SLC36A4: variants seen among roughly 807,000 people sequenced by gnomAD.
SLC36A4 encodes neutral amino acid uniporter 4.
A neutral mutation model predicts 50.5 loss-of-function variants in SLC36A4; 49 were observed. The observed-to-expected ratio is 0.97, with a 90% CI of 0.77 to 1.23. SLC36A4 has a LOEUF of 1.23. SLC36A4 is among the 50% of genes most tolerant of loss of function. The pLI, the probability that SLC36A4 is intolerant of heterozygous loss-of-function variation, is 0.00. For synonymous variants in SLC36A4, 207 were observed against 206.5 expected, an observed-to-expected ratio of 1.00 and a Z score of -0.02; for missense variants, 611 against 608.4, an observed-to-expected ratio of 1.00 and a Z score of -0.05.
In SLC36A4 at chr11:93,148,673, C is replaced by G; in HGVS notation, c.1379G>C (p.Gly460Ala). The G allele has an allele frequency of 6.2e-7, 1 of 1,612,778 alleles. No individual in the cohort carries two copies. The highest frequency in any genetic ancestry group is 8.5e-7 in the Non-Finnish European group (1 of 1,179,316). The change falls in exon 11 of 11, where the codon GGA becomes GCA. Residue 460 changes from glycine to alanine, a missense_variant. By Grantham distance (60) the Gly-to-Ala change is moderately conservative (BLOSUM62 0). Coordinates refer to ENST00000326402, the MANE Select transcript of SLC36A4 (RefSeq NM_152313.4). ...TGTACCTAATAAGAAGCCAACAACTCCAGTGAATGCTATAGAAATATTTTT... is the reference window on the plus strand; with the variant it reads ...TGTACCTAATAAGAAGCCAACAACTGCAGTGAATGCTATAGAAATATTTTT... ...VLKNISIAFT[G>A]VVGFLLGTYI...
intron 7 of SLC36A4, chr11:93,166,391 G>A: frequency 7.0e-6 from 7 of 993,220 alleles, no homozygotes; most frequent in Non-Finnish European, 7.2e-6. Context: ...ACTGCTGCTG[G>A]TGCCTAGCAG....
In SLC36A4 at chr11:93,178,008, C is replaced by T. The variant is rs572198136; in HGVS notation, c.540+2789G>A. 7.1e-4 allele frequency among the ~76,000 whole-genome samples: 108 copies of T among 152,274 alleles called. 2 individuals carry two copies. In the South Asian group the frequency reaches 0.02, roughly 28 times the overall value. On this transcript the variant is annotated intron_variant, in intron 6 of 10. Coordinates refer to ENST00000326402, the MANE Select transcript of SLC36A4 (RefSeq NM_152313.4). ...GAGGCAGACAGGCCTCCTTGAGCTG[C>T]GGTGGGCTCCACCCAGTTCGAGCTT...
chr11:93,167,964 T>C lies in SLC36A4; in HGVS notation c.748A>G (p.Ile250Val). The C allele has an allele frequency of 6.2e-7, 1 of 1,608,310 alleles. No individual in the cohort carries two copies. Among genetic ancestry groups the C allele is most frequent in the Middle Eastern group, 1.7e-4 (1 of 6,024 alleles). Residue 250 changes from isoleucine (I) to valine (V), a missense_variant, in exon 7 of 11, where the codon ATT becomes GTT. Physicochemically the swap from Ile to Val is conservative, Grantham distance 29. Transcript: ENST00000326402. ...CTTACCCTGACAACATACTGGTAAA[T>C]TATCACAAGACTGACAGCCATGGAA... ...NVSMAVSLVI[I>V]YQYVVRNMPD... is the part of the protein sequence containing the mutation.
chr11:93,186,676 TATG>T (rs1861996524), intron 1 of SLC36A4, among the ~76,000 whole-genome samples: 1 of 152,234 alleles, frequency 6.6e-6, no homozygotes, highest in African/African-American at 2.4e-5. Context: ...TGACAATACA[TATG>T]ATGTTTTTCA....
Position 93,184,459 on chromosome 11 carries a change from G to T in SLC36A4, c.241C>A (p.Pro81Thr). Reference sequence around the variant, plus strand: ...ATGCCTGCATTTTTTATTGCCAATGGAAGTCCTAAAAGGCCAGTTCCAATA... The same window carrying T: ...ATGCCTGCATTTTTTATTGCCAATGTAAGTCCTAAAAGGCCAGTTCCAATA... ...GNIGTGLLGLPLAIKNAGIVL... is the reference protein window; with the variant it reads ...GNIGTGLLGLTLAIKNAGIVL... Residue 81 changes from proline (P) to threonine (T), a missense_variant, in exon 3 of 11, where the codon CCA becomes ACA. Coordinates refer to ENST00000326402, the MANE Select transcript of SLC36A4 (RefSeq NM_152313.4). 1 of 1,611,272 alleles carries T rather than the reference G, an allele frequency of 6.2e-7. No individual in the cohort carries two copies. The highest frequency in any genetic ancestry group is 8.5e-7 in the Non-Finnish European group (1 of 1,177,806).
rs1157359416 is a variant in SLC36A4, at chr11:93,144,267, A to G, written c.*4270T>C. The G allele has an allele frequency of 2.0e-5, 3 of 152,076 alleles. No homozygotes were observed. Among genetic ancestry groups the G allele is most frequent in the Admixed American group, 6.6e-5 (1 of 15,236 alleles). 9.4% of individuals were successfully genotyped at this position (152,076 alleles called of 1,614,324 possible). ...TGTTATAAAGAAAAATGTTAAAAGA[A>G]TTGACTTGAATGTTATATTTAGGTT... is the stretch of plus-strand genomic sequence containing the variant. On this transcript the variant is annotated 3_prime_UTR_variant, in exon 11 of 11. Transcript: ENST00000326402.
At chr11:93,193,416 A>C (rs1862295078) in intron 1 of SLC36A4, among the ~76,000 whole-genome samples, 1 of 152,188 alleles carries the variant, frequency 6.6e-6, no homozygotes, top group African/African-American at 2.4e-5. Flanking sequence ...GCTAAGTACT[A>C]AATTGGGCAG....
chr11:93,156,428 C>CT lies in SLC36A4; in HGVS notation c.1038-2152dup, dbSNP rs558072801. Among the ~76,000 whole-genome samples, 10 of 136,558 alleles carry CT rather than the reference C, an allele frequency of 7.3e-5. No individual in the cohort carries two copies. The East Asian group carries it at 8.5e-4, about 12-fold the overall frequency. 89.6% of individuals were successfully genotyped at this position (136,558 alleles called of 152,430 possible). A position where few individuals can be genotyped will look rare whatever the true frequency, so the allele number is the denominator to read the frequency against. On this transcript the variant is annotated intron_variant, in intron 9 of 10. Coordinates refer to ENST00000326402, the MANE Select transcript of SLC36A4 (RefSeq NM_152313.4). ...ACGTCCTTTGCCCACTTTTTTTTTT[C>CT]TTTTTTTTTGGGGTGGAGTCTCACT...
intron 6 of SLC36A4, among the ~76,000 whole-genome samples, chr11:93,170,436 A>T (rs1861079396): frequency 6.6e-6 from 1 of 152,062 alleles, no homozygotes. Context: ...AGGCTTTCAT[A>T]AACCTTTTGT....
intron 6 of SLC36A4, among the ~76,000 whole-genome samples, chr11:93,179,438 A>C (rs1861639076): frequency 6.6e-6 from 1 of 152,254 alleles, no homozygotes; most frequent in African/African-American, 2.4e-5. Context: ...TACAGAAGCC[A>C]GGACAAAAAC....
At chr11:93,178,041 A>G (rs1226690984) in intron 6 of SLC36A4, among the ~76,000 whole-genome samples, 17 of 152,114 alleles carry the variant, frequency 1.1e-4, no homozygotes, top group Admixed American at 1.1e-3. Context: ...CTTCCCGGCC[A>G]CTTTGTTTAC....
chr11:93,174,328 C>A (rs1565228837), intron 6 of SLC36A4, among the ~76,000 whole-genome samples: 2 of 150,498 alleles, frequency 1.3e-5, no homozygotes, highest in African/African-American at 4.9e-5. Flanking sequence ...AGTTGCTTAT[C>A]AGCTTAAGGA....
chr11:93,149,356 T>C (rs1413064326), intron 10 of SLC36A4, among the ~76,000 whole-genome samples: 1 of 151,946 alleles, frequency 6.6e-6, no homozygotes, highest in Non-Finnish European at 1.5e-5. Flanking sequence ...ATGCTGAAAT[T>C]AGTGGGCAAA....
chr11:93,180,874 C>G lies in SLC36A4; in HGVS notation c.463G>C (p.Val155Leu), dbSNP rs767850275. Residue 155 changes from valine to leucine, a missense_variant, in exon 6 of 11, where the codon GTT (valine) becomes CTT (leucine). Transcript: ENST00000326402. ...TGTGTTATCACCAGAAAAAAGTCAA[C>G]CACACTCCTGAAAAAAGATATCCAC... The part of the protein sequence containing the change: ...QKQAAWGRSV[V>L]DFFLVITQLG... 4.5e-5 allele frequency: 73 copies of G among 1,610,400 alleles called. No individual in the cohort carries two copies. Among genetic ancestry groups the G allele is most frequent in the Non-Finnish European group, 5.8e-5 (68 of 1,177,170 alleles).
intron 10 of SLC36A4, among the ~76,000 whole-genome samples, chr11:93,150,045 C>G (rs1192559455): frequency 2.6e-4 from 39 of 152,124 alleles, no homozygotes; most frequent in Admixed American, 2.6e-3. Context: ...TCTGGTCTGG[C>G]GCTTTCTTGA....
At chr11:93,158,349 A>ATTTAACATTT (rs768095576) in intron 9 of SLC36A4, among the ~76,000 whole-genome samples, 10 of 152,154 alleles carry the variant, frequency 6.6e-5, no homozygotes, top group Non-Finnish European at 1.5e-4. Context: ...GTAATAATAT[A>ATTTAACATTT]TTTAACATTT....
intron 6 of SLC36A4, among the ~76,000 whole-genome samples, chr11:93,172,233 C>A (rs1371333754): frequency 6.6e-6 from 1 of 152,032 alleles, no homozygotes; most frequent in Non-Finnish European, 1.5e-5. Flanking sequence ...TGACACCATT[C>A]CCTTTTTTAA....
In SLC36A4 at chr11:93,147,331, A is replaced by C. The variant is rs944778974; in HGVS notation, c.*1206T>G. On this transcript the variant is annotated 3_prime_UTR_variant, in exon 11 of 11. Coordinates refer to ENST00000326402, the MANE Select transcript of SLC36A4 (RefSeq NM_152313.4). ...TAATAAATAAAAGGCTGTGATAAGA[A>C]AAGCCACAGGGCTGGAAAGAGTCCA... 6.6e-6 allele frequency: 1 copy of C among 152,052 alleles called. No homozygotes were observed. The highest frequency in any genetic ancestry group is 1.5e-5 in the Non-Finnish European group (1 of 68,000). The allele number at this position is 152,052 out of a possible 1,614,324, so 9.4% of individuals were successfully genotyped here. A position where few individuals can be genotyped will look rare whatever the true frequency, so the allele number is the denominator to read the frequency against.
intron 1 of SLC36A4, 181 bp downstream of exon 1, chr11:93,197,597 T>C (rs1274159730): frequency 3.0e-6 from 2 of 664,780 alleles, no homozygotes; most frequent in Non-Finnish European, 5.0e-6. Context: ...CTGGGCTTCG[T>C]CTGACCAAGT....
Sources: allele counts gnomAD v4.1 joint callset (sites outside exome capture counted in the v4.1 genomes callset), GRCh38; gene constraint gnomAD v4.1.1; transcripts MANE v1.5; gene names NCBI Gene and HGNC (gene_info 2026-07-23, HGNC 2026-07-21).